Variants in ISY1 observed in about 807,000 individuals in gnomAD.
ISY1 encodes the protein pre-mRNA-splicing factor ISY1 homolog.
ISY1 carries 12 observed loss-of-function variants against 54.4 expected under a neutral mutation model. The ratio of observed to expected loss-of-function variants is 0.22; its 90% confidence interval spans 0.14 to 0.36. The LOEUF is 0.36. ISY1 is among the 10% of genes least tolerant of loss of function. The pLI, the probability that ISY1 is intolerant of heterozygous loss-of-function variation, is 1.00. For synonymous variants in ISY1, 96 were observed against 117.9 expected (o/e 0.81, Z 1.20); for missense variants, 282 against 342.2 (o/e 0.82, Z 1.39).
At chr3:129,154,541 T>G (rs555650235) in intron 5 of ISY1, among the ~76,000 whole-genome samples, 1 of 152,084 alleles carries the variant, frequency 6.6e-6, no homozygotes, top group African/African-American at 2.4e-5. Context: ...TTGTCAAATT[T>G]ATGGGCATAA....
chr3:129,156,258 G>T (rs1258208913), intron 5 of ISY1, among the ~76,000 whole-genome samples: 1 of 151,840 alleles, frequency 6.6e-6, no homozygotes, highest in Non-Finnish European at 1.5e-5. Flanking sequence ...AATTAGCCGG[G>T]CGTGGTTGTG....
chr3:129,160,007 C>T (rs773541866), intron 1 of ISY1, among the ~76,000 whole-genome samples: 4 of 152,160 alleles, frequency 2.6e-5, no homozygotes, highest in Non-Finnish European at 4.4e-5. Flanking sequence ...GATATACCTT[C>T]TCACAGAAAC....
intron 7 of ISY1, among the ~76,000 whole-genome samples, chr3:129,139,534 A>G (rs943413759): frequency 3.3e-5 from 5 of 152,160 alleles, no homozygotes; most frequent in African/African-American, 1.2e-4. Flanking sequence ...ATCAAAACCG[A>G]CTAAAACTCC....
At chr3:129,143,626 T>G (rs1424017743) in intron 6 of ISY1, among the ~76,000 whole-genome samples, 2 of 151,356 alleles carry the variant, frequency 1.3e-5, no homozygotes, top group Non-Finnish European at 2.9e-5. Flanking sequence ...ACATAGAATA[T>G]TAATGAATTT....
At chr3:129,139,720 G>A (rs192567927) in intron 7 of ISY1, among the ~76,000 whole-genome samples, 11 of 151,768 alleles carry the variant, frequency 7.2e-5, no homozygotes, top group African/African-American at 2.4e-4. Context: ...TCGGCTCACC[G>A]CAACCTCCAC....
chr3:129,137,354 T>C (rs1936439874), intron 7 of ISY1, among the ~76,000 whole-genome samples: 1 of 152,198 alleles, frequency 6.6e-6, no homozygotes, highest in Admixed American at 6.5e-5. Context: ...AAAATTCACT[T>C]ATGCATTTTC....
chr3:129,157,261 T>C (rs1441409437), intron 3 of ISY1, among the ~76,000 whole-genome samples: 1 of 152,182 alleles, frequency 6.6e-6, no homozygotes, highest in Non-Finnish European at 1.5e-5. Context: ...TGTATTCATA[T>C]ACATGTGCGT....
At chr3:129,155,440 C>T (rs540108922) in intron 5 of ISY1, among the ~76,000 whole-genome samples, 3 of 152,024 alleles carry the variant, frequency 2.0e-5, no homozygotes, top group South Asian at 4.2e-4. Flanking sequence ...GTGATCCACC[C>T]GCCTCGGCCT....
chr3:129,133,999 C>T, intron 9 of ISY1, 75 bp downstream of exon 9: 1 of 1,593,812 alleles, frequency 6.3e-7, no homozygotes, highest in South Asian at 1.1e-5. Flanking sequence ...TATTTGGGAG[C>T]CAAGTTTCCT....
chr3:129,145,990 C>T, intron 5 of ISY1, 117 bp from the exon 6 acceptor site: 1 of 878,414 alleles, frequency 1.1e-6, no homozygotes, highest in African/African-American at 1.7e-5. Flanking sequence ...AGGTATACTA[C>T]ATAAAAACAC....
rs750661928 is a variant in ISY1, at chr3:129,135,571, G to T, written c.419-617C>A. Among the ~76,000 whole-genome samples, 8 of 151,664 alleles carry T rather than the reference G, an allele frequency of 5.3e-5. No individual in the cohort carries two copies. The East Asian group carries it at 1.4e-3, about 26-fold the overall frequency. On this transcript the variant is annotated intron_variant, in intron 7 of 10. Transcript: ENST00000393295. ...ACGAGGTCAGCAGTTCAAGACCAGCGTGGCCAATATGGTGAAACCCCATCT... is the reference window on the plus strand; with the variant it reads ...ACGAGGTCAGCAGTTCAAGACCAGCTTGGCCAATATGGTGAAACCCCATCT...
chr3:129,156,496 G>A (rs757852890), intron 5 of ISY1, 137 bp downstream of exon 5: 43 of 791,188 alleles, frequency 5.4e-5, no homozygotes, highest in African/African-American at 2.6e-4. Context: ...CTGACTGATC[G>A]TATTGATTGG....
intron 5 of ISY1, among the ~76,000 whole-genome samples, chr3:129,154,155 T>C (rs1234835098): frequency 6.9e-6 from 1 of 143,918 alleles, no homozygotes; most frequent in East Asian, 2.1e-4. Context: ...GGCAGGAGAA[T>C]GGCGTGAACC....
chr3:129,156,421 G>T (rs1026275890), intron 5 of ISY1, among the ~76,000 whole-genome samples: 7 of 148,172 alleles, frequency 4.7e-5, no homozygotes, highest in African/African-American at 7.4e-5. Flanking sequence ...AAAAAATGAC[G>T]TATTCTTTAT....
At chr3:129,143,621 G>A (rs4248671) in intron 6 of ISY1, among the ~76,000 whole-genome samples, 121,358 of 150,984 alleles carry the variant, frequency 0.8, 52,940 homozygotes, top group Non-Finnish European at 0.97. Context: ...AAAGCACATA[G>A]AATATTAATG....
intron 6 of ISY1, among the ~76,000 whole-genome samples, chr3:129,144,726 G>A (rs1311739118): frequency 6.6e-6 from 1 of 152,088 alleles, no homozygotes; most frequent in East Asian, 1.9e-4. Context: ...GTGTGTGTGT[G>A]TGTCTGTGTG....
chr3:129,148,617 T>C (rs1936842956), intron 5 of ISY1, among the ~76,000 whole-genome samples: 1 of 152,250 alleles, frequency 6.6e-6, no homozygotes, highest in Admixed American at 6.5e-5. Context: ...CAGGCTGGAG[T>C]GCAGTGGTAC....
chr3:129,136,481 T>C (rs564936065), intron 7 of ISY1, among the ~76,000 whole-genome samples: 1 of 152,126 alleles, frequency 6.6e-6, no homozygotes, highest in African/African-American at 2.4e-5. Context: ...GTGCAGTGAC[T>C]CATGCCTGTA....
intron 7 of ISY1, among the ~76,000 whole-genome samples, chr3:129,136,473 G>T (rs1401363738): frequency 6.6e-6 from 1 of 152,014 alleles, no homozygotes; most frequent in African/African-American, 2.4e-5. Flanking sequence ...CTGGCCAGGT[G>T]CAGTGACTCA....
Sources: allele counts gnomAD v4.1 joint callset (sites outside exome capture counted in the v4.1 genomes callset), GRCh38; gene constraint gnomAD v4.1.1; transcripts MANE v1.5; gene names NCBI Gene and HGNC (gene_info 2026-07-23, HGNC 2026-07-21).